Variants in SEZ6L observed in about 807,000 individuals in gnomAD.
SEZ6L encodes seizure related 6 homolog like, also known as seizure 6-like protein.
SEZ6L carries 37 observed loss-of-function variants against 106.2 expected under a neutral mutation model. The observed-to-expected ratio is 0.35, with a 90% CI of 0.27 to 0.46. The LOEUF (loss-of-function observed/expected upper bound fraction) is 0.46. Among genes scored for constraint, SEZ6L ranks in the 20% least tolerant of loss-of-function variants. SEZ6L has a pLI of 1.00. For synonymous variants in SEZ6L, 541 were observed against 570.4 expected (o/e 0.95, Z 0.73); for missense variants, 1,172 against 1,332.8 (o/e 0.88, Z 1.88).
At chr22:26,178,783 A>C (rs1939194180) in intron 1 of SEZ6L, among the ~76,000 whole-genome samples, 2 of 152,164 alleles carry the variant, frequency 1.3e-5, no homozygotes, top group Admixed American at 6.5e-5. Context: ...GATCTTGAAC[A>C]AGTCACTTAA....
intron 1 of SEZ6L, among the ~76,000 whole-genome samples, chr22:26,284,665 A>C (rs1216649419): frequency 9.9e-5 from 15 of 151,476 alleles, no homozygotes; most frequent in Admixed American, 9.9e-4. Flanking sequence ...ATTACAATTA[A>C]CACTGATACC....
At chr22:26,214,032 C>T (rs1296920749) in intron 1 of SEZ6L, among the ~76,000 whole-genome samples, 1 of 152,248 alleles carries the variant, frequency 6.6e-6, no homozygotes, top group East Asian at 1.9e-4. Context: ...CAATGATGGC[C>T]TCTGTCCACA....
At chr22:26,199,010 A>G (rs1055672865) in intron 1 of SEZ6L, among the ~76,000 whole-genome samples, 1 of 152,224 alleles carries the variant, frequency 6.6e-6, no homozygotes, top group Non-Finnish European at 1.5e-5. Flanking sequence ...AAGCAGAGTC[A>G]TTGGAAACGT....
At chr22:26,170,949 G>A (rs1484966359) in intron 1 of SEZ6L, among the ~76,000 whole-genome samples, 1 of 152,142 alleles carries the variant, frequency 6.6e-6, no homozygotes, top group Non-Finnish European at 1.5e-5. Flanking sequence ...GGGAGTTCTG[G>A]ACCCCCAGCG....
rs924420321 is a variant in SEZ6L, at chr22:26,374,275, T to TA, written c.2827+794dup. ...TAATATATTGTTTCTTTTTTTTTTT[T>TA]AATGTTTTTACCAAATCAAGCAGTT... is the stretch of plus-strand genomic sequence containing the variant. On this transcript the variant is annotated intron_variant, in intron 14 of 16. Transcript: ENST00000248933. Among the ~76,000 whole-genome samples the TA allele has an allele frequency of 8.4e-4, 127 of 151,390 alleles. 1 individual carries two copies. The highest frequency in any genetic ancestry group is 3.0e-3 in the African/African-American group (123 of 41,352).
intron 1 of SEZ6L, among the ~76,000 whole-genome samples, chr22:26,255,688 T>C (rs1011778721): frequency 6.6e-6 from 1 of 152,222 alleles, no homozygotes; most frequent in Non-Finnish European, 1.5e-5. Context: ...CACCTCCATG[T>C]CTACTTTCTC....
chr22:26,300,996 C>A (rs895293649), intron 5 of SEZ6L, among the ~76,000 whole-genome samples: 2 of 152,160 alleles, frequency 1.3e-5, no homozygotes, highest in African/African-American at 4.8e-5. Context: ...TCTTTTCTTT[C>A]TTGTGCTCTG....
In SEZ6L at chr22:26,374,771, A is replaced by T. The variant is rs1014279475; in HGVS notation, c.2828-804A>T. On this transcript the variant is annotated intron_variant, in intron 14 of 16. Coordinates refer to ENST00000248933, the MANE Select transcript of SEZ6L (RefSeq NM_021115.5). ...GCCAAGTTTCTAGAAGGAATGTAGG[A>T]TCCCCCTTTAAGCTATGCTGGGAAA... is the stretch of plus-strand genomic sequence containing the variant. Among the ~76,000 whole-genome samples, 5 of 152,168 alleles carry T rather than the reference A, an allele frequency of 3.3e-5. No homozygotes were observed. In the East Asian group the frequency reaches 9.7e-4, roughly 29 times the overall value.
Position 26,253,710 on chromosome 22 carries a change from C to T in SEZ6L, c.95-38696C>T, listed in dbSNP as rs1037200860. Among the ~76,000 whole-genome samples, 10 of 152,046 alleles carry T rather than the reference C, an allele frequency of 6.6e-5. No homozygotes were observed. The South Asian group carries it at 8.3e-4, about 13-fold the overall frequency. On this transcript the variant is annotated intron_variant, in intron 1 of 16. Transcript: ENST00000248933. ...TACATTCTCAATGAGGGCAATGTTG[C>T]CCCCAAAGGGACAAAAATTGGTGCT...
chr22:26,381,238 G>A lies in SEZ6L; in HGVS notation c.*943G>A, dbSNP rs2084403296. ...GACAAGGATTTGTGATGGGAAAAAG[G>A]AGGTGCCATGTTTGGAAATGCAGGG... is the stretch of plus-strand genomic sequence containing the variant. On this transcript the variant is annotated 3_prime_UTR_variant, in exon 17 of 17. Transcript: ENST00000248933. The A allele has an allele frequency of 6.6e-6, 1 of 152,242 alleles. No homozygotes were observed. The highest frequency in any genetic ancestry group is 1.9e-4 in the East Asian group (1 of 5,202). The allele number at this position is 152,242 out of a possible 1,614,324, so 9.4% of individuals were successfully genotyped here.
chr22:26,324,156 G>A (rs941670347), intron 9 of SEZ6L, among the ~76,000 whole-genome samples: 1 of 151,494 alleles, frequency 6.6e-6, no homozygotes, highest in Non-Finnish European at 1.5e-5. Flanking sequence ...GAGAAATTCC[G>A]AGCTCCATCT....
intron 12 of SEZ6L, among the ~76,000 whole-genome samples, chr22:26,356,820 G>A (rs2083451885): frequency 6.6e-6 from 1 of 151,978 alleles, no homozygotes; most frequent in East Asian, 1.9e-4. Context: ...GTTAGCACGA[G>A]CACCACAAAA....
intron 9 of SEZ6L, among the ~76,000 whole-genome samples, chr22:26,319,610 G>A (rs2082099176): frequency 6.6e-6 from 1 of 152,114 alleles, no homozygotes; most frequent in Admixed American, 6.5e-5. Context: ...CCAAATATCT[G>A]CAGAGCTTGC....
chr22:26,326,640 C>T (rs528402135), intron 9 of SEZ6L, among the ~76,000 whole-genome samples: 5 of 152,306 alleles, frequency 3.3e-5, no homozygotes, highest in African/African-American at 9.6e-5. Flanking sequence ...GCCTCACACC[C>T]CTCATCACCC....
chr22:26,189,710 C>T (rs906604183), intron 1 of SEZ6L, among the ~76,000 whole-genome samples: 8 of 152,008 alleles, frequency 5.3e-5, no homozygotes, highest in Admixed American at 2.0e-4. Flanking sequence ...CTTGAGCATC[C>T]GTGGATCTTG....
intron 14 of SEZ6L, among the ~76,000 whole-genome samples, chr22:26,374,408 A>G (rs2084147301): frequency 6.6e-6 from 1 of 152,084 alleles, no homozygotes; most frequent in African/African-American, 2.4e-5. Flanking sequence ...GTAACAGACA[A>G]CACTTGAATC....
chr22:26,296,007 T>G (rs1486767488), intron 3 of SEZ6L, among the ~76,000 whole-genome samples: 1 of 152,108 alleles, frequency 6.6e-6, no homozygotes, highest in Non-Finnish European at 1.5e-5. Context: ...AAGAAGAGCT[T>G]GTGGGTAAGG....
chr22:26,323,254 G>A (rs537430809), intron 9 of SEZ6L, among the ~76,000 whole-genome samples: 1 of 152,334 alleles, frequency 6.6e-6, no homozygotes, highest in South Asian at 2.1e-4. Context: ...AGGTGCTGGT[G>A]CCTGCACCCA....
rs569781965 is a variant in SEZ6L at position 26,377,778 on chromosome 22, G to A, written c.3045+3G>A. On this transcript the variant is annotated splice_donor_region_variant and intron_variant, in intron 16 of 16. Coordinates refer to ENST00000248933, the MANE Select transcript of SEZ6L (RefSeq NM_021115.5). ...ACAACCCCATTTACGAGACAGGGGT[G>A]AGTTGGTCTCTCTCGTCTCTTCCCA... 15 of 1,598,872 alleles carry A rather than the reference G, an allele frequency of 9.4e-6. No individual in the cohort carries two copies. The African/African-American group carries it at 1.1e-4, about 11-fold the overall frequency.
Sources: allele counts gnomAD v4.1 joint callset (sites outside exome capture counted in the v4.1 genomes callset), GRCh38; gene constraint gnomAD v4.1.1; transcripts MANE v1.5; gene names NCBI Gene and HGNC (gene_info 2026-07-23, HGNC 2026-07-21).